NRG1: variants seen among roughly 807,000 people sequenced by gnomAD.
NRG1 encodes the protein pro-neuregulin-1, membrane-bound isoform.
NRG1 carries 18 observed loss-of-function variants against 63.8 expected under a neutral mutation model. The ratio of observed to expected loss-of-function variants is 0.28; its 90% CI spans 0.19 to 0.42. The LOEUF (loss-of-function observed/expected upper bound fraction) is 0.42. Among genes scored for constraint, NRG1 ranks in the 10% least tolerant of loss-of-function variants. The pLI is 1.00. For missense variants in NRG1, 762 were observed against 814.7 expected (o/e 0.94, Z 0.79); for synonymous variants, 302 against 301.3 (o/e 1.00, Z -0.02).
intron 1 of NRG1, among the ~76,000 whole-genome samples, chr8:32,155,541 T>C (rs1453812289): frequency 3.3e-5 from 5 of 152,242 alleles, no homozygotes; most frequent in African/African-American, 9.6e-5. Flanking sequence ...CTATAGACTT[T>C]GGATTAGTCA....
chr8:31,699,272 C>A (rs1476678970), intron 1 of NRG1, among the ~76,000 whole-genome samples: 1 of 152,088 alleles, frequency 6.6e-6, no homozygotes, highest in African/African-American at 2.4e-5. Context: ...TTAAATCAGA[C>A]CTCTTTACAG....
At chr8:31,934,491 T>C (rs1563586414) in intron 1 of NRG1, among the ~76,000 whole-genome samples, 1 of 139,040 alleles carries the variant, frequency 7.2e-6, no homozygotes, top group Non-Finnish European at 1.5e-5. Flanking sequence ...AATGGTGCAA[T>C]CTTGGCTCAC....
intron 1 of NRG1, among the ~76,000 whole-genome samples, chr8:32,508,931 C>T (rs35248458): frequency 0.45 from 68,930 of 151,612 alleles, 16,478 homozygotes; most frequent in Non-Finnish European, 0.52. Flanking sequence ...GATGGAGTCT[C>T]ACCATGTTGG....
chr8:32,639,650 G>A (rs997253751), intron 5 of NRG1, among the ~76,000 whole-genome samples: 1 of 152,144 alleles, frequency 6.6e-6, no homozygotes, highest in South Asian at 2.1e-4. Context: ...TTAAGCAGGA[G>A]ATTTAAAAAT....
chr8:31,921,636 G>A (rs139553910), intron 1 of NRG1, among the ~76,000 whole-genome samples: 1 of 152,142 alleles, frequency 6.6e-6, no homozygotes, highest in Non-Finnish European at 1.5e-5. Context: ...ATTAATTGCA[G>A]CAAAGAAAAA....
intron 1 of NRG1, among the ~76,000 whole-genome samples, chr8:32,087,848 T>A (rs1440909249): frequency 1.3e-5 from 2 of 152,198 alleles, no homozygotes; most frequent in Admixed American, 1.3e-4. Context: ...CTTGACTGGG[T>A]TATTTCCTTT....
At chr8:32,693,155 A>T (rs1422560581) in intron 5 of NRG1, among the ~76,000 whole-genome samples, 1 of 151,808 alleles carries the variant, frequency 6.6e-6, no homozygotes, top group East Asian at 1.9e-4. Flanking sequence ...ATGCAGAAAG[A>T]TTATTATTTT....
At chr8:32,510,106 T>TAAC (rs940095067) in intron 1 of NRG1, among the ~76,000 whole-genome samples, 8 of 135,526 alleles carry the variant, frequency 5.9e-5, no homozygotes, top group African/African-American at 1.9e-4. Flanking sequence ...AAAATAATAA[T>TAAC]AATAATAATA....
chr8:32,543,417 GA>G (rs1832766140), upstream of NRG1, among the ~76,000 whole-genome samples: 1 of 152,012 alleles, frequency 6.6e-6, no homozygotes, highest in African/African-American at 2.4e-5. Flanking sequence ...GCAGAGGTCA[GA>G]AAAAATAACT....
At chr8:31,878,687 G>T (rs752633729) in intron 1 of NRG1, among the ~76,000 whole-genome samples, 6 of 152,164 alleles carry the variant, frequency 3.9e-5, no homozygotes, top group Non-Finnish European at 7.3e-5. Flanking sequence ...TGTAAGATTG[G>T]CTGGGAAAGG....
At position 32,756,847 on chromosome 8, in the gene NRG1, A is replaced by G. The variant is rs572355659; in HGVS notation, c.921+318A>G. On this transcript the variant is annotated intron_variant, in intron 9 of 11. Coordinates refer to ENST00000356819, the Ensembl canonical transcript of NRG1. ...AGAAAACAAATTTAATAGTACGATA[A>G]TCAAAAAGAATGTTTTCATATATAA... is the stretch of plus-strand genomic sequence containing the variant. Among the ~76,000 whole-genome samples the G allele has an allele frequency of 6.4e-4, 97 of 152,310 alleles. 1 individual carries two copies. Among genetic ancestry groups the G allele is most frequent in the African/African-American group, 2.3e-3 (96 of 41,572 alleles).
At chr8:32,735,030 G>T (rs1564068026) in intron 6 of NRG1, among the ~76,000 whole-genome samples, 1 of 152,160 alleles carries the variant, frequency 6.6e-6, no homozygotes, top group African/African-American at 2.4e-5. Context: ...TGCTATGAAG[G>T]ATATTAATTG....
intron 1 of NRG1, among the ~76,000 whole-genome samples, chr8:32,370,034 G>GA (rs1239664075): frequency 1.3e-5 from 2 of 151,012 alleles, no homozygotes; most frequent in Middle Eastern, 3.4e-3. Flanking sequence ...TCAGAGAAAA[G>GA]AAAAAAAAGG....
intron 1 of NRG1, among the ~76,000 whole-genome samples, chr8:32,475,205 G>A (rs900422919): frequency 6.6e-5 from 10 of 151,972 alleles, no homozygotes; most frequent in African/African-American, 2.2e-4. Flanking sequence ...GCTGGCTCAC[G>A]CCTGTAATCC....
At chr8:32,655,015 A>G (rs1181911415) in intron 5 of NRG1, among the ~76,000 whole-genome samples, 3 of 152,078 alleles carry the variant, frequency 2.0e-5, no homozygotes, top group Non-Finnish European at 4.4e-5. Flanking sequence ...CCTCATTTAA[A>G]TGTGATAATA....
At chr8:32,022,505 T>G (rs1200317264) in intron 1 of NRG1, among the ~76,000 whole-genome samples, 1 of 152,182 alleles carries the variant, frequency 6.6e-6, no homozygotes, top group African/African-American at 2.4e-5. Flanking sequence ...AGAGCTCTAT[T>G]AAGTGGTCTA....
chr8:32,245,108 G>A (rs1412469987), intron 1 of NRG1, among the ~76,000 whole-genome samples: 1 of 152,136 alleles, frequency 6.6e-6, no homozygotes, highest in Non-Finnish European at 1.5e-5. Context: ...AGTGGTTTGT[G>A]CAGGGAAAAG....
chr8:31,746,040 G>A (rs187474817), intron 1 of NRG1, among the ~76,000 whole-genome samples: 1 of 151,782 alleles, frequency 6.6e-6, no homozygotes, highest in African/African-American at 2.4e-5. Context: ...CTCTTACTTT[G>A]ACAAATCAGA....
chr8:32,158,471 ATC>A (rs1554641397), intron 1 of NRG1, among the ~76,000 whole-genome samples: 5 of 133,396 alleles, frequency 3.7e-5, no homozygotes, highest in African/African-American at 1.1e-4. Flanking sequence ...ATATATATAT[ATC>A]ATGTATATGT....
Sources: gnomAD v4.1 joint callset for allele counts (sites outside exome capture counted in the v4.1 genomes callset) on GRCh38, gnomAD v4.1.1 for gene constraint, MANE v1.5 for transcripts, NCBI Gene and HGNC (gene_info 2026-07-23, HGNC 2026-07-21) for gene names.